Variants in LY86 observed in about 807,000 individuals in gnomAD.
The protein encoded by LY86 is lymphocyte antigen 86, also known as MD-1, RP105-associated.
A neutral mutation model predicts 17.3 loss-of-function variants in LY86; 20 were observed. The observed-to-expected ratio is 1.15, with a 90% CI of 0.81 to 1.68. The LOEUF is 1.68. Ranked by LOEUF, LY86 falls within the 40% of genes most tolerant of loss-of-function variation. The pLI is 0.00. For missense variants in LY86, 200 were observed against 191.9 expected, an observed-to-expected ratio of 1.04 and a Z score of -0.25; for synonymous variants, 74 against 70.6, an observed-to-expected ratio of 1.05 and a Z score of -0.24.
chr6:6,627,814 A>G (rs2113143282), intron 3 of LY86, among the ~76,000 whole-genome samples: 1 of 152,324 alleles, frequency 6.6e-6, no homozygotes, highest in Non-Finnish European at 1.5e-5. Context: ...GTGTAACTGA[A>G]GCACAGAGGG....
At chr6:6,599,600 A>C (rs1029768923) in intron 1 of LY86, among the ~76,000 whole-genome samples, 2 of 152,218 alleles carry the variant, frequency 1.3e-5, no homozygotes, top group Non-Finnish European at 2.9e-5. Context: ...GAGCTGTCAC[A>C]TGACGACCTA....
intron 2 of LY86, among the ~76,000 whole-genome samples, chr6:6,625,493 G>A (rs1761769944): frequency 6.6e-6 from 1 of 152,168 alleles, no homozygotes; most frequent in African/African-American, 2.4e-5. Flanking sequence ...ACCCCAATCA[G>A]TAAGCTAGAG....
rs184477194 is a variant in LY86, at chr6:6,613,165, A to T, written c.137-11761A>T. Reference sequence around the variant, plus strand: ...TGTGTTTACAATCCCTTAGCTAGACATAAAGATTCTCCAAGTTCCCACCAG... The same window carrying T: ...TGTGTTTACAATCCCTTAGCTAGACTTAAAGATTCTCCAAGTTCCCACCAG... On this transcript the variant is annotated intron_variant, in intron 1 of 4. Transcript: ENST00000230568. Among the ~76,000 whole-genome samples the T allele has an allele frequency of 2.6e-5, 4 of 152,388 alleles. No individual in the cohort carries two copies. In the East Asian group the frequency reaches 7.7e-4, roughly 29 times the overall value.
chr6:6,649,601 T>C, intron 3 of LY86, 24 bp from the exon 4 acceptor site: 1 of 1,426,722 alleles, frequency 7.0e-7, no homozygotes, highest in Non-Finnish European at 9.8e-7. Context: ...AATAACATCA[T>C]CTATGCTTTA....
chr6:6,606,144 A>C (rs181588813), intron 1 of LY86, among the ~76,000 whole-genome samples: 1 of 152,272 alleles, frequency 6.6e-6, no homozygotes, highest in East Asian at 1.9e-4. Context: ...CGAGTGGTCC[A>C]TTTTGACAGG....
At chr6:6,613,589 C>CT (rs1761461951) in intron 1 of LY86, among the ~76,000 whole-genome samples, 1 of 152,236 alleles carries the variant, frequency 6.6e-6, no homozygotes, top group Non-Finnish European at 1.5e-5. Context: ...CTCTGGCCCG[C>CT]AAGCGCCGCG....
chr6:6,615,479 T>A (rs1761529882), intron 1 of LY86, among the ~76,000 whole-genome samples: 3 of 152,160 alleles, frequency 2.0e-5, no homozygotes, highest in Non-Finnish European at 4.4e-5. Context: ...CCCAGCACTT[T>A]GGGAGGCCGA....
chr6:6,602,864 AAGAGTTAT>A (rs1760955500), intron 1 of LY86, among the ~76,000 whole-genome samples: 1 of 152,216 alleles, frequency 6.6e-6, no homozygotes, highest in Non-Finnish European at 1.5e-5. Context: ...CCCTCAAGCA[AAGAGTTAT>A]AGGTGTTTAC....
chr6:6,612,084 T>G (rs920625686), intron 1 of LY86, among the ~76,000 whole-genome samples: 1 of 152,170 alleles, frequency 6.6e-6, no homozygotes, highest in Non-Finnish European at 1.5e-5. Flanking sequence ...TAGCAAGATT[T>G]GAGAAGATCC....
chr6:6,592,730 G>GA (rs1760568306), intron 1 of LY86, among the ~76,000 whole-genome samples: 1 of 152,208 alleles, frequency 6.6e-6, no homozygotes, highest in African/African-American at 2.4e-5. Flanking sequence ...GACACAATGA[G>GA]AAGGTGGCTG....
At chr6:6,648,380 A>G (rs1762136814) in intron 3 of LY86, among the ~76,000 whole-genome samples, 1 of 152,038 alleles carries the variant, frequency 6.6e-6, no homozygotes, top group Non-Finnish European at 1.5e-5. Context: ...TCACCCCTCA[A>G]TCTTTCCAAG....
At chr6:6,598,634 CTTT>C (rs1196156173) in intron 1 of LY86, among the ~76,000 whole-genome samples, 3 of 152,202 alleles carry the variant, frequency 2.0e-5, no homozygotes, top group Admixed American at 6.5e-5. Flanking sequence ...TACCCTGCTG[CTTT>C]TTTTCTCAAG....
At chr6:6,599,723 G>GA (rs1361335951) in intron 1 of LY86, among the ~76,000 whole-genome samples, 2 of 152,204 alleles carry the variant, frequency 1.3e-5, no homozygotes, top group Non-Finnish European at 2.9e-5. Flanking sequence ...GTTCAGGCAA[G>GA]ATAAAGAGCC....
chr6:6,640,756 G>A (rs1207383237), intron 3 of LY86, among the ~76,000 whole-genome samples: 1 of 151,918 alleles, frequency 6.6e-6, no homozygotes, highest in Non-Finnish European at 1.5e-5. Flanking sequence ...GAAAAGGAGG[G>A]TAGAGATGAG....
intron 3 of LY86, among the ~76,000 whole-genome samples, chr6:6,642,663 C>A (rs1292827593): frequency 6.6e-6 from 1 of 152,170 alleles, no homozygotes; most frequent in Non-Finnish European, 1.5e-5. Flanking sequence ...AGCTCCAAGT[C>A]TTAAGGGAAC....
intron 1 of LY86, among the ~76,000 whole-genome samples, chr6:6,607,016 C>T (rs1761183949): frequency 1.3e-5 from 2 of 152,270 alleles, no homozygotes; most frequent in South Asian, 4.1e-4. Context: ...AGTCACTGGG[C>T]TACTCCAGAG....
intron 3 of LY86, among the ~76,000 whole-genome samples, chr6:6,636,402 A>T (rs1761959604): frequency 6.6e-6 from 1 of 152,240 alleles, no homozygotes; most frequent in African/African-American, 2.4e-5. Context: ...GCACACAGCA[A>T]GCATTCAATA....
At chr6:6,631,638 G>T (rs1761900612) in intron 3 of LY86, among the ~76,000 whole-genome samples, 1 of 152,200 alleles carries the variant, frequency 6.6e-6, no homozygotes, top group African/African-American at 2.4e-5. Flanking sequence ...CTCTGGGGTT[G>T]GGGCTTAGTG....
intron 3 of LY86, among the ~76,000 whole-genome samples, chr6:6,627,520 G>A (rs746991197): frequency 1.2e-4 from 19 of 152,116 alleles, no homozygotes; most frequent in Admixed American, 9.8e-4. Context: ...GTATCCTAGC[G>A]TTTGCCATGT....
Sources: gnomAD v4.1 joint callset for allele counts (sites outside exome capture counted in the v4.1 genomes callset) on GRCh38, gnomAD v4.1.1 for gene constraint, MANE v1.5 for transcripts, NCBI Gene and HGNC (gene_info 2026-07-23, HGNC 2026-07-21) for gene names.